Variants in CACNA1I observed in about 807,000 individuals in gnomAD.
CACNA1I encodes the protein voltage-dependent T-type calcium channel subunit alpha-1I.
CACNA1I carries 74 observed loss-of-function variants against 201.6 expected under a neutral mutation model. The ratio of observed to expected loss-of-function variants is 0.37; its 90% CI spans 0.30 to 0.45. CACNA1I has a LOEUF of 0.45. CACNA1I is among the 20% of genes least tolerant of loss of function. CACNA1I has a pLI of 1.00. For missense variants in CACNA1I, 2,346 were observed against 3,138.1 expected (o/e 0.75, Z 6.03); for synonymous variants, 1,431 against 1,345.2 (o/e 1.06, Z -1.40).
At position 39,659,162 on chromosome 22, in the gene CACNA1I, T is replaced by C. The variant is rs1378183254; in HGVS notation, c.2330+46T>C. 6 of 1,602,246 alleles carry C rather than the reference T, an allele frequency of 3.7e-6. No homozygotes were observed. The highest frequency in any genetic ancestry group is 2.2e-5 in the South Asian group (2 of 89,780). ...GCCATACCTCAGCACCTGCTGGGGC[T>C]GTGGGCGGGAGCCTGGGGGATGTGG... On this transcript the variant is annotated intron_variant, in intron 12 of 36. Transcript: ENST00000402142. The surrounding 1 kb of genome is among the most constrained non-coding windows in gnomAD (Gnocchi z 4.3).
intron 2 of CACNA1I, among the ~76,000 whole-genome samples, chr22:39,598,932 G>A (rs1932956402): frequency 7.3e-6 from 1 of 137,256 alleles, no homozygotes; most frequent in Non-Finnish European, 1.5e-5. Context: ...ATTGCTTTCT[G>A]CCTCTTGGGT....
intron 24 of CACNA1I, among the ~76,000 whole-genome samples, chr22:39,669,338 G>C (rs1393082944): frequency 2.6e-5 from 4 of 152,198 alleles, no homozygotes; most frequent in Non-Finnish European, 4.4e-5. Flanking sequence ...CTATTTCCTT[G>C]TCTGCTCTGT....
intron 4 of CACNA1I, among the ~76,000 whole-genome samples, chr22:39,623,994 C>T (rs1933829330): frequency 7.1e-6 from 1 of 141,044 alleles, no homozygotes; most frequent in South Asian, 2.3e-4. Flanking sequence ...GTGTGCGCCT[C>T]TGAACGTGCG....
At chr22:39,612,526 T>C (rs1302372196) in intron 3 of CACNA1I, among the ~76,000 whole-genome samples, 3 of 152,152 alleles carry the variant, frequency 2.0e-5, no homozygotes, top group African/African-American at 4.8e-5. Flanking sequence ...TGGGGGCCAC[T>C]TCCTCATAGA....
chr22:39,663,739 C>T lies in CACNA1I; in HGVS notation c.3495C>T (p.Thr1165=). Residue 1165 remains threonine, a synonymous_variant, in exon 19 of 37, where the codon ACC becomes ACT. Coordinates refer to ENST00000402142, the MANE Select transcript of CACNA1I (RefSeq NM_021096.4). ...CCAGGTTCCGGGTCCTGTGTCAGAC[C>T]ATTATTGCCCACAAACTCTTCGACT... ...PENRFRVLCQ[T]IIAHKLFDYV... The T allele has an allele frequency of 6.2e-7, 1 of 1,613,582 alleles. No individual in the cohort carries two copies. Among genetic ancestry groups the T allele is most frequent in the Non-Finnish European group, 8.5e-7 (1 of 1,179,600 alleles).
intron 4 of CACNA1I, among the ~76,000 whole-genome samples, chr22:39,622,165 T>G (rs1464469196): frequency 2.0e-5 from 3 of 152,092 alleles, no homozygotes; most frequent in African/African-American, 7.2e-5. Flanking sequence ...CACCCAGAAC[T>G]CTGCCTGGCG....
At chr22:39,674,589 A>G (rs557184628) in intron 29 of CACNA1I, among the ~76,000 whole-genome samples, 1 of 152,282 alleles carries the variant, frequency 6.6e-6, no homozygotes, top group South Asian at 2.1e-4. Flanking sequence ...GCGGTTAGTG[A>G]AAGGGGAGAT....
rs1034762289 is a variant in CACNA1I, at chr22:39,676,831, A to G, written c.4855-510A>G. On this transcript the variant is annotated intron_variant, in intron 29 of 36. Transcript: ENST00000402142. The surrounding 1 kb of genome is among the most constrained non-coding windows in gnomAD (Gnocchi z 4.8). ...CGTAGAGGAGCTAGTGTTAGAGCTGAGACCTCCTGCCTTCTCCCTTCCCTT... is the reference window on the plus strand; with the variant it reads ...CGTAGAGGAGCTAGTGTTAGAGCTGGGACCTCCTGCCTTCTCCCTTCCCTT... Among the ~76,000 whole-genome samples the G allele has an allele frequency of 3.9e-5, 6 of 152,334 alleles. No individual in the cohort carries two copies. Among genetic ancestry groups the G allele is most frequent in the Admixed American group, 2.6e-4 (4 of 15,308 alleles).
chr22:39,588,448 T>G (rs866536165), intron 1 of CACNA1I, among the ~76,000 whole-genome samples: 2 of 148,700 alleles, frequency 1.3e-5, no homozygotes, highest in South Asian at 2.2e-4. Flanking sequence ...TGCAGTGGCG[T>G]GATCTCGGCT....
At chr22:39,627,095 G>A (rs901871137) in intron 4 of CACNA1I, among the ~76,000 whole-genome samples, 2 of 152,166 alleles carry the variant, frequency 1.3e-5, no homozygotes, top group African/African-American at 4.8e-5. Context: ...TCTCCTTTCC[G>A]TTCTTTTAGC....
intron 24 of CACNA1I, among the ~76,000 whole-genome samples, chr22:39,669,426 C>T (rs555432210): frequency 2.0e-5 from 3 of 152,240 alleles, no homozygotes; most frequent in Non-Finnish European, 4.4e-5. Flanking sequence ...AAGTTCTCCC[C>T]TCTGCTGGCC....
At chr22:39,674,341 G>T (rs962445524) in intron 29 of CACNA1I, among the ~76,000 whole-genome samples, 3 of 152,178 alleles carry the variant, frequency 2.0e-5, no homozygotes, top group Non-Finnish European at 4.4e-5. Flanking sequence ...AGGGAGATGT[G>T]GGGAGGGACC....
At chr22:39,619,013 C>T (rs990597147) in intron 3 of CACNA1I, among the ~76,000 whole-genome samples, 5 of 152,162 alleles carry the variant, frequency 3.3e-5, no homozygotes, top group African/African-American at 9.7e-5. Context: ...CAGGAGGATG[C>T]GCTGGGGCAG....
At chr22:39,616,649 AGCTACTCAGGAG>A (rs2146388919) in intron 3 of CACNA1I, among the ~76,000 whole-genome samples, 1 of 152,056 alleles carries the variant, frequency 6.6e-6, no homozygotes, top group South Asian at 2.1e-4. Flanking sequence ...CTGTAATCCC[AGCTACTCAGGAG>A]GCTGAGGCAG....
chr22:39,578,819 C>G (rs903292245), intron 1 of CACNA1I, among the ~76,000 whole-genome samples: 2 of 152,212 alleles, frequency 1.3e-5, no homozygotes, highest in African/African-American at 4.8e-5. Context: ...CGTTCTTTCC[C>G]TTGGGGTCCA....
intron 10 of CACNA1I, among the ~76,000 whole-genome samples, chr22:39,651,320 G>A (rs759530940): frequency 2.7e-4 from 41 of 152,198 alleles, no homozygotes; most frequent in African/African-American, 9.7e-4. Flanking sequence ...GGCCGCACAC[G>A]CACCTCCCTC....
rs9623018 is a variant in CACNA1I at position 39,571,716 on chromosome 22, A to T, written c.236+728A>T. On this transcript the variant is annotated intron_variant, in intron 1 of 36. Transcript: ENST00000402142. ...TGGCCAAATCCTTTGCTACATCCTT[A>T]AAATCCCAGCTTAAGCATCACCTCC... is the stretch of plus-strand genomic sequence containing the variant. Among the ~76,000 whole-genome samples, 669 of 152,296 alleles carry T rather than the reference A, an allele frequency of 4.4e-3. 4 individuals carry two copies. Among genetic ancestry groups the T allele is most frequent in the African/African-American group, 0.015 (624 of 41,548 alleles).
intron 35 of CACNA1I, among the ~76,000 whole-genome samples, chr22:39,683,283 T>C (rs1024825864): frequency 6.6e-6 from 1 of 152,028 alleles, no homozygotes; most frequent in Non-Finnish European, 1.5e-5. Context: ...TCACTGGCTG[T>C]GGAGGGAGGC....
intron 23 of CACNA1I, 134 bp from the exon 24 acceptor site, chr22:39,668,158 C>A: frequency 1.6e-6 from 1 of 621,388 alleles, no homozygotes; most frequent in Non-Finnish European, 2.9e-6. Flanking sequence ...GAGGGCACAG[C>A]TCTGCCACAC....
Sources: gnomAD v4.1 joint callset for allele counts (sites outside exome capture counted in the v4.1 genomes callset) on GRCh38, gnomAD v4.1.1 for gene constraint, Gnocchi (gnomAD v3.1) non-coding constraint, MANE v1.5 for transcripts, NCBI Gene and HGNC (gene_info 2026-07-23, HGNC 2026-07-21) for gene names.